Variants in SGCZ observed in about 807,000 individuals in gnomAD.
SGCZ encodes zeta-sarcoglycan.
SGCZ carries 40 observed loss-of-function variants against 41.3 expected under a neutral mutation model. The ratio of observed to expected loss-of-function variants is 0.97; its 90% confidence interval spans 0.75 to 1.26. SGCZ has a LOEUF of 1.26. SGCZ is among the 50% of genes most tolerant of loss of function. The pLI, the probability that SGCZ is intolerant of heterozygous loss-of-function variation, is 0.00. For synonymous variants in SGCZ, 206 were observed against 137.5 expected (o/e 1.50, Z -3.49); for missense variants, 552 against 369.8 (o/e 1.49, Z -4.04).
intron 5 of SGCZ, among the ~76,000 whole-genome samples, chr8:14,110,760 A>T (rs1328824205): frequency 6.6e-6 from 1 of 152,174 alleles, no homozygotes. Context: ...GCATAAAAAA[A>T]TTAAAAATCA....
intron 5 of SGCZ, among the ~76,000 whole-genome samples, chr8:14,157,380 G>A (rs939371752): frequency 4.7e-5 from 7 of 149,838 alleles, no homozygotes; most frequent in Non-Finnish European, 1.0e-4. Flanking sequence ...GTGTGTGTGT[G>A]TGTGTGTGTG....
chr8:14,214,346 G>A (rs1585238886), intron 4 of SGCZ, among the ~76,000 whole-genome samples: 1 of 152,104 alleles, frequency 6.6e-6, no homozygotes, highest in Non-Finnish European at 1.5e-5. Flanking sequence ...ACTAAATGTA[G>A]TGTGATATCT....
Position 14,368,670 on chromosome 8 carries a change from A to G in SGCZ, c.235-44466T>C, listed in dbSNP as rs946411577. ...AGTAAACCAGTGAATAATAAGAGAC[A>G]TTGCATTCCTTATGATGGTAAAGTG... On this transcript the variant is annotated intron_variant, in intron 2 of 7. Transcript: ENST00000382080. 2.6e-5 allele frequency among the ~76,000 whole-genome samples: 4 copies of G among 151,750 alleles called. No homozygotes were observed. The South Asian group carries it at 6.2e-4, about 24-fold the overall frequency.
At chr8:14,294,002 A>G (rs1800930978) in intron 3 of SGCZ, among the ~76,000 whole-genome samples, 1 of 151,800 alleles carries the variant, frequency 6.6e-6, no homozygotes, top group Non-Finnish European at 1.5e-5. Context: ...CTTTTCTATT[A>G]TATATTTAGA....
intron 1 of SGCZ, among the ~76,000 whole-genome samples, chr8:14,684,010 C>T (rs1313038835): frequency 6.6e-6 from 1 of 152,108 alleles, no homozygotes; most frequent in Non-Finnish European, 1.5e-5. Flanking sequence ...TTGTGCTTTT[C>T]CTTTCTCAGT....
At chr8:15,009,780 G>C (rs1349252347) in intron 1 of SGCZ, among the ~76,000 whole-genome samples, 2 of 152,034 alleles carry the variant, frequency 1.3e-5, no homozygotes, top group African/African-American at 4.8e-5. Context: ...CGCAAAATTT[G>C]AATGACCTGG....
At chr8:14,209,969 G>A (rs1057019294) in intron 4 of SGCZ, among the ~76,000 whole-genome samples, 6 of 149,736 alleles carry the variant, frequency 4.0e-5, no homozygotes, top group Non-Finnish European at 5.9e-5. Flanking sequence ...TATGTGAAAT[G>A]AGTGCTGTGT....
intron 1 of SGCZ, among the ~76,000 whole-genome samples, chr8:15,081,354 T>C (rs905906685): frequency 2.6e-5 from 4 of 152,218 alleles, no homozygotes; most frequent in African/African-American, 9.6e-5. Context: ...CTTTTAAGTT[T>C]TTCTCAATTT....
chr8:15,038,697 T>C (rs1468858961), intron 1 of SGCZ, among the ~76,000 whole-genome samples: 2 of 150,816 alleles, frequency 1.3e-5, no homozygotes, highest in Non-Finnish European at 2.9e-5. Context: ...GAAAAAATTG[T>C]AAATTATCAC....
At chr8:14,135,845 C>T (rs987746717) in intron 5 of SGCZ, among the ~76,000 whole-genome samples, 16 of 151,518 alleles carry the variant, frequency 1.1e-4, no homozygotes, top group Admixed American at 5.3e-4. Flanking sequence ...AAAATCAGAC[C>T]AAAAAACAGT....
At chr8:14,103,058 G>A (rs1472050267) in intron 6 of SGCZ, among the ~76,000 whole-genome samples, 1 of 152,076 alleles carries the variant, frequency 6.6e-6, no homozygotes, top group Non-Finnish European at 1.5e-5. Context: ...AATGAAATAA[G>A]ACATTTTCTA....
intron 1 of SGCZ, among the ~76,000 whole-genome samples, chr8:15,085,165 G>A (rs987410569): frequency 2.0e-5 from 3 of 152,130 alleles, no homozygotes; most frequent in African/African-American, 4.8e-5. Flanking sequence ...AATAGGAGGT[G>A]CAGCTAATAT....
At chr8:14,182,965 G>A (rs560310606) in intron 4 of SGCZ, among the ~76,000 whole-genome samples, 8 of 146,830 alleles carry the variant, frequency 5.4e-5, no homozygotes, top group East Asian at 2.0e-4. Context: ...AGCCGAGATC[G>A]TGCCATTGCA....
intron 3 of SGCZ, among the ~76,000 whole-genome samples, chr8:14,305,319 A>G (rs1387487875): frequency 6.6e-6 from 1 of 152,164 alleles, no homozygotes; most frequent in Non-Finnish European, 1.5e-5. Context: ...ATTTTTTGAT[A>G]TGACCACAGC....
chr8:15,128,631 A>G (rs950614345), intron 1 of SGCZ, among the ~76,000 whole-genome samples: 1 of 152,200 alleles, frequency 6.6e-6, no homozygotes, highest in African/African-American at 2.4e-5. Flanking sequence ...GGAATACAGT[A>G]TAAGTTAATA....
At chr8:14,246,257 C>T (rs749427924) in intron 3 of SGCZ, among the ~76,000 whole-genome samples, 2 of 152,164 alleles carry the variant, frequency 1.3e-5, no homozygotes, top group African/African-American at 4.8e-5. Context: ...CCATGGAATA[C>T]TATGCAGCCA....
chr8:14,252,100 G>T (rs970263123), intron 3 of SGCZ, among the ~76,000 whole-genome samples: 4 of 151,904 alleles, frequency 2.6e-5, no homozygotes, highest in Admixed American at 6.6e-5. Flanking sequence ...CTCCCCATAT[G>T]GAATTCACAT....
chr8:14,767,005 A>T (rs2008201781), intron 1 of SGCZ, among the ~76,000 whole-genome samples: 2 of 152,350 alleles, frequency 1.3e-5, no homozygotes, highest in South Asian at 4.1e-4. Flanking sequence ...CTAAATTTGC[A>T]AACATCCCAT....
At chr8:14,345,530 T>C (rs866298353) in intron 2 of SGCZ, among the ~76,000 whole-genome samples, 4 of 152,158 alleles carry the variant, frequency 2.6e-5, no homozygotes, top group Admixed American at 6.5e-5. Flanking sequence ...TCTGCAGTTA[T>C]CTGTTTTCCT....
Sources: gnomAD v4.1 joint callset for allele counts (sites outside exome capture counted in the v4.1 genomes callset) on GRCh38, gnomAD v4.1.1 for gene constraint, MANE v1.5 for transcripts, NCBI Gene and HGNC (gene_info 2026-07-23, HGNC 2026-07-21) for gene names.